The following WDFY1 variants were observed in gnomAD, a reference collection of about 807,000 sequenced individuals.
WDFY1 encodes WD repeat and FYVE domain-containing protein 1.
In WDFY1, 32 loss-of-function variants were observed where a neutral mutation model predicts 56.4. The observed-to-expected ratio is 0.57, with a 90% CI of 0.43 to 0.76. WDFY1 has a LOEUF of 0.76. WDFY1 is among the 30% of genes least tolerant of loss of function. WDFY1 has a pLI of 0.00. For synonymous variants in WDFY1, 192 were observed against 197.3 expected, an observed-to-expected ratio of 0.97 and a Z score of 0.23; for missense variants, 480 against 545.7, an observed-to-expected ratio of 0.88 and a Z score of 1.20.
At position 223,876,272 on chromosome 2, in the gene WDFY1, AC is replaced by A. The variant is rs1349437365; in HGVS notation, c.*2398del. The A allele has an allele frequency of 4.6e-5, 7 of 152,716 alleles. No individual in the cohort carries two copies. Among genetic ancestry groups the A allele is most frequent in the African/African-American group, 1.7e-4 (7 of 41,558 alleles). The allele number at this position is 152,716 out of a possible 1,614,324, so 9.5% of individuals were successfully genotyped here. A position where few individuals can be genotyped will look rare whatever the true frequency, so the allele number is the denominator to read the frequency against. On this transcript the variant is annotated 3_prime_UTR_variant, in exon 12 of 12. Coordinates refer to ENST00000233055, the MANE Select transcript of WDFY1 (RefSeq NM_020830.5). ...GGAATGGAACAACCAGTAAACTGTT[AC>A]TTGAAGAACTAATTTAAATGATCCA...
intron 1 of WDFY1, among the ~76,000 whole-genome samples, chr2:223,933,104 TA>T (rs1475649181): frequency 6.7e-6 from 1 of 148,504 alleles, no homozygotes; most frequent in Non-Finnish European, 1.5e-5. Flanking sequence ...ATTTATTCTC[TA>T]AATTAAAAGG....
chr2:223,898,126 T>C (rs1420575185), intron 6 of WDFY1, among the ~76,000 whole-genome samples: 1 of 152,146 alleles, frequency 6.6e-6, no homozygotes, highest in Non-Finnish European at 1.5e-5. Flanking sequence ...ATCAATGGAC[T>C]TTAAAAACCC....
rs777728576 is a variant in WDFY1, at chr2:223,918,002, C to T, written c.146G>A (p.Arg49Gln). ...ACCACTGTCTCTTTTCAGCCATACC[C>T]GGATGGTTCTGTGGAGAAAAGAAAA... ...VITASEDRTI[R>Q]VWLKRDSGQY... The change falls in exon 2 of 12, where the codon CGG becomes CAG. Residue 49 changes from arginine (R) to glutamine (Q), a missense_variant. Arg to Gln is a conservative substitution (Grantham distance 43, BLOSUM62 1). Transcript: ENST00000233055. The T allele has an allele frequency of 2.1e-5, 34 of 1,613,812 alleles. No individual in the cohort carries two copies. Among genetic ancestry groups the T allele is most frequent in the African/African-American group, 1.2e-4 (9 of 74,872 alleles).
rs921992114 is a variant in WDFY1, at chr2:223,901,238, G to A, written c.430C>T (p.Arg144Trp). 1.2e-5 allele frequency: 20 copies of A among 1,613,936 alleles called. No homozygotes were observed. Among genetic ancestry groups the A allele is most frequent in the South Asian group, 6.6e-5 (6 of 91,088 alleles). Reference protein sequence around the residue: ...HDKCVSWMCTRSGNMLGRHFF... With the variant: ...HDKCVSWMCTWSGNMLGRHFF... ...TGCCTCCCGAGCATGTTCCCGCTCC[G>A]CGTGCACATCCAGCTCACACACTTG... is the stretch of plus-strand genomic sequence containing the variant. The change falls in exon 5 of 12, where the codon CGG becomes TGG. Residue 144 changes from arginine to tryptophan, a missense_variant. Arg to Trp is a moderately radical substitution (Grantham distance 101, BLOSUM62 -3). Transcript: ENST00000233055.
chr2:223,892,009 T>C (rs2106076213), intron 8 of WDFY1, among the ~76,000 whole-genome samples: 1 of 152,300 alleles, frequency 6.6e-6, no homozygotes, highest in East Asian at 1.9e-4. Context: ...GGAGTTTTGC[T>C]CGTCGCCCAG....
chr2:223,894,531 T>C (rs1168282205), intron 7 of WDFY1, 192 bp from the exon 8 acceptor site: 1 of 581,958 alleles, frequency 1.7e-6, no homozygotes, highest in Non-Finnish European at 3.1e-6. Context: ...AGAATGATAC[T>C]TTCTATAAAA....
chr2:223,922,225 G>C (rs903275400), intron 1 of WDFY1, among the ~76,000 whole-genome samples: 1 of 152,174 alleles, frequency 6.6e-6, no homozygotes, highest in Non-Finnish European at 1.5e-5. Context: ...TCACAGGATG[G>C]ATGCCATTTC....
intron 1 of WDFY1, among the ~76,000 whole-genome samples, chr2:223,941,247 G>C (rs898602498): frequency 1.3e-5 from 2 of 150,736 alleles, no homozygotes; most frequent in Non-Finnish European, 1.5e-5. Flanking sequence ...GTGAGCCACC[G>C]CACTTGGCCC....
At position 223,897,375 on chromosome 2, in the gene WDFY1, TATA is replaced by T. The variant is rs1434121019; in HGVS notation, c.598+1580_598+1582del. Among the ~76,000 whole-genome samples, 19 of 19,304 alleles carry T rather than the reference TATA, an allele frequency of 9.8e-4. 2 individuals carry two copies. In the South Asian group the frequency reaches 0.01, roughly 11 times the overall value. The allele number at this position is 19,304 out of a possible 152,430, so 12.7% of individuals were successfully genotyped here. On this transcript the variant is annotated intron_variant, in intron 6 of 11. Transcript: ENST00000233055. ...GCATATATATATATATATATATATA[TATA>T]TATATATATATATTTTTTAAGACGG...
At chr2:223,890,669 T>C (rs552550013) in intron 8 of WDFY1, among the ~76,000 whole-genome samples, 7 of 152,306 alleles carry the variant, frequency 4.6e-5, no homozygotes, top group Middle Eastern at 6.8e-3. Flanking sequence ...CACTCTCTTT[T>C]CTCCATCTTT....
rs1693814368 is a variant in WDFY1 at position 223,917,821 on chromosome 2, C to T, written c.205+122G>A. 9.1e-6 allele frequency: 10 copies of T among 1,100,262 alleles called. No individual in the cohort carries two copies. The South Asian group carries it at 1.5e-4, about 16-fold the overall frequency. 68.2% of individuals were successfully genotyped at this position (1,100,262 alleles called of 1,614,324 possible). ...TCCTGACCCCAGGTGATCTACCCGCCTTGGCCTCTCAAAGTGCTGGGATTA... is the reference window on the plus strand; with the variant it reads ...TCCTGACCCCAGGTGATCTACCCGCTTTGGCCTCTCAAAGTGCTGGGATTA... On this transcript the variant is annotated intron_variant, in intron 2 of 11. Coordinates refer to ENST00000233055, the MANE Select transcript of WDFY1 (RefSeq NM_020830.5).
chr2:223,921,528 A>G (rs1188058682), intron 1 of WDFY1, among the ~76,000 whole-genome samples: 2 of 152,240 alleles, frequency 1.3e-5, no homozygotes, highest in Non-Finnish European at 2.9e-5. Context: ...AGCAATTAAA[A>G]TAGGTAGACT....
chr2:223,928,683 T>C (rs934662020), intron 1 of WDFY1, among the ~76,000 whole-genome samples: 13 of 152,248 alleles, frequency 8.5e-5, no homozygotes, highest in Non-Finnish European at 1.5e-4. Context: ...ACAGAAGTCA[T>C]TGGAATCCGA....
At chr2:223,907,150 T>C (rs1261200526) in intron 3 of WDFY1, among the ~76,000 whole-genome samples, 2 of 151,850 alleles carry the variant, frequency 1.3e-5, no homozygotes, top group African/African-American at 4.8e-5. Context: ...AATTTTTTTG[T>C]ATTTTTAGTA....
chr2:223,903,436 T>C (rs1180771923), intron 4 of WDFY1, among the ~76,000 whole-genome samples: 1 of 151,748 alleles, frequency 6.6e-6, no homozygotes, highest in Non-Finnish European at 1.5e-5. Flanking sequence ...GGCAGGAGAA[T>C]TGACTGAACC....
Position 223,936,971 on chromosome 2 carries a change from C to A in WDFY1, c.137+8177G>T, listed in dbSNP as rs141831140. On this transcript the variant is annotated intron_variant, in intron 1 of 11. Coordinates refer to ENST00000233055, the MANE Select transcript of WDFY1 (RefSeq NM_020830.5). Reference sequence around the variant, plus strand: ...GTCTGGTTTCCTCTGGATTTCACCCCATGTGCTGATTTTGTTTTGCGTCTT... The same window carrying A: ...GTCTGGTTTCCTCTGGATTTCACCCAATGTGCTGATTTTGTTTTGCGTCTT... Among the ~76,000 whole-genome samples the A allele has an allele frequency of 5.3e-5, 8 of 152,334 alleles. No individual in the cohort carries two copies. In the East Asian group the frequency reaches 1.5e-3, roughly 29 times the overall value.
chr2:223,942,770 C>G (rs1037238711), intron 1 of WDFY1, among the ~76,000 whole-genome samples: 1 of 99,628 alleles, frequency 1.0e-5, no homozygotes, highest in African/African-American at 3.8e-5. Flanking sequence ...CTCCTGACCT[C>G]ATGATCCACC....
chr2:223,936,977 C>T (rs1694176846), intron 1 of WDFY1, among the ~76,000 whole-genome samples: 1 of 152,196 alleles, frequency 6.6e-6, no homozygotes, highest in Non-Finnish European at 1.5e-5. Context: ...ACCCCATGTG[C>T]TGATTTTGTT....
chr2:223,884,859 C>CTTT lies in WDFY1; in HGVS notation c.832-113_832-111dup, dbSNP rs1553535378. On this transcript the variant is annotated intron_variant, in intron 8 of 11. Transcript: ENST00000233055. Reference sequence around the variant, plus strand: ...TGCCAAGGTTAGTATTTCTTTTCTTCTTTTTTTTTTTTTTTTGGTCTCCCA... The same window carrying CTTT: ...TGCCAAGGTTAGTATTTCTTTTCTTCTTTTTTTTTTTTTTTTTTTGGTCTCCCA... 5.2e-5 allele frequency: 36 copies of CTTT among 689,716 alleles called. No individual in the cohort carries two copies. In the South Asian group the frequency reaches 5.5e-4, roughly 11 times the overall value. The allele number at this position is 689,716 out of a possible 1,614,324, so 42.7% of individuals were successfully genotyped here. A position where few individuals can be genotyped will look rare whatever the true frequency, so the allele number is the denominator to read the frequency against.
Sources: allele counts gnomAD v4.1 joint callset (sites outside exome capture counted in the v4.1 genomes callset), GRCh38; gene constraint gnomAD v4.1.1; transcripts MANE v1.5; gene names NCBI Gene and HGNC (gene_info 2026-07-23, HGNC 2026-07-21).